Variants in DTD1 observed in about 807,000 individuals in gnomAD.
DTD1 encodes the protein D-aminoacyl-tRNA deacylase 1.
Under a neutral mutation model 25.6 loss-of-function variants are expected in DTD1, and 13 were observed. The observed-to-expected ratio is 0.51, with a 90% CI of 0.33 to 0.81. DTD1 has a LOEUF of 0.81. Among genes scored for constraint, DTD1 ranks in the 30% least tolerant of loss-of-function variants. The pLI, the probability that DTD1 is intolerant of heterozygous loss-of-function variation, is 0.02. For synonymous variants in DTD1, 110 were observed against 103.6 expected (o/e 1.06, Z -0.37); for missense variants, 193 against 266.4 (o/e 0.72, Z 1.92).
At chr20:18,669,486 G>A (rs1395540264) in intron 4 of DTD1, among the ~76,000 whole-genome samples, 2 of 152,104 alleles carry the variant, frequency 1.3e-5, no homozygotes, top group East Asian at 1.9e-4. Flanking sequence ...TTCTGTCATC[G>A]GATCAGGCTC....
chr20:18,686,046 C>T (rs2061015440), intron 4 of DTD1, among the ~76,000 whole-genome samples: 1 of 152,200 alleles, frequency 6.6e-6, no homozygotes. Flanking sequence ...ACTTTTGTCG[C>T]CCTGGTTCTG....
intron 4 of DTD1, among the ~76,000 whole-genome samples, chr20:18,648,952 CGCCACT>C (rs2060861279): frequency 7.6e-6 from 1 of 131,972 alleles, no homozygotes; most frequent in Non-Finnish European, 1.6e-5. Flanking sequence ...GCTGAGATCG[CGCCACT>C]GCACTCCAGC....
At chr20:18,590,593 C>T (rs886624961) in intron 1 of DTD1, among the ~76,000 whole-genome samples, 1 of 152,112 alleles carries the variant, frequency 6.6e-6, no homozygotes, top group Non-Finnish European at 1.5e-5. Flanking sequence ...GCCTCTGTGT[C>T]CTGAGTAGCT....
chr20:18,732,242 C>A (rs983905658), intron 4 of DTD1, among the ~76,000 whole-genome samples: 1 of 152,210 alleles, frequency 6.6e-6, no homozygotes, highest in African/African-American at 2.4e-5. Context: ...ACTTAAAGAA[C>A]ACTGTTAGTT....
chr20:18,624,103 C>T (rs958746804), intron 3 of DTD1, among the ~76,000 whole-genome samples: 1 of 152,054 alleles, frequency 6.6e-6, no homozygotes, highest in Non-Finnish European at 1.5e-5. Flanking sequence ...GCTGCTCCTG[C>T]TGTCTTTTGT....
intron 3 of DTD1, among the ~76,000 whole-genome samples, chr20:18,625,888 T>C (rs2029929230): frequency 6.6e-6 from 1 of 152,212 alleles, no homozygotes; most frequent in African/African-American, 2.4e-5. Context: ...CTAGTGCCCA[T>C]GTCCCATACT....
At chr20:18,601,852 T>TAA (rs2060636689) in intron 3 of DTD1, among the ~76,000 whole-genome samples, 1 of 151,600 alleles carries the variant, frequency 6.6e-6, no homozygotes, top group South Asian at 2.1e-4. Context: ...CTGGAAACTC[T>TAA]AAAACGCAGA....
intron 4 of DTD1, among the ~76,000 whole-genome samples, chr20:18,705,995 A>C (rs1273104267): frequency 6.6e-6 from 1 of 152,238 alleles, no homozygotes; most frequent in Non-Finnish European, 1.5e-5. Flanking sequence ...AAAGGGGATT[A>C]GCTTAGTGAG....
chr20:18,757,957 T>C (rs1447278235), intron 5 of DTD1, among the ~76,000 whole-genome samples: 2 of 152,228 alleles, frequency 1.3e-5, no homozygotes, highest in Non-Finnish European at 2.9e-5. Context: ...GAGCCTGTTA[T>C]TGGTCTATTC....
intron 3 of DTD1, among the ~76,000 whole-genome samples, chr20:18,623,169 G>A (rs575802848): frequency 2.6e-5 from 4 of 152,024 alleles, no homozygotes; most frequent in South Asian, 4.2e-4. Flanking sequence ...TCGATCTCCC[G>A]ACCTCGTGAT....
At chr20:18,696,224 T>A (rs756317298) in intron 4 of DTD1, among the ~76,000 whole-genome samples, 27 of 152,222 alleles carry the variant, frequency 1.8e-4, no homozygotes, top group South Asian at 8.3e-4. Flanking sequence ...TATGTCACCT[T>A]CCTGCCTGTG....
At position 18,676,575 on chromosome 20, in the gene DTD1, G is replaced by A. The variant is rs6136463; in HGVS notation, c.477+48342G>A. Among the ~76,000 whole-genome samples, 8 of 151,998 alleles carry A rather than the reference G, an allele frequency of 5.3e-5. No homozygotes were observed. The East Asian group carries it at 1.4e-3, about 26-fold the overall frequency. ...GTAGCCAATAAATTGGAAAATTGACGGTTGTATGTTTGAACCTTCATTTGT... is the reference window on the plus strand; with the variant it reads ...GTAGCCAATAAATTGGAAAATTGACAGTTGTATGTTTGAACCTTCATTTGT... On this transcript the variant is annotated intron_variant, in intron 4 of 5. Transcript: ENST00000377452.
chr20:18,650,686 G>A (rs899299209), intron 4 of DTD1, among the ~76,000 whole-genome samples: 3 of 152,204 alleles, frequency 2.0e-5, no homozygotes, highest in Non-Finnish European at 4.4e-5. Flanking sequence ...GACCAATTAT[G>A]GGAAAGCAAG....
rs1028103816 is a variant in DTD1 at position 18,608,479 on chromosome 20, T to C, written c.370+12238T>C. Among the ~76,000 whole-genome samples the C allele has an allele frequency of 2.6e-5, 4 of 152,230 alleles. No individual in the cohort carries two copies. In the South Asian group the frequency reaches 8.3e-4, roughly 32 times the overall value. On this transcript the variant is annotated intron_variant, in intron 3 of 5. Transcript: ENST00000377452. ...CTCTAATTTTTGTTATTGCTTTTCT[T>C]CTGCTTACTCTGCATTTAATTGCTC...
intron 5 of DTD1, among the ~76,000 whole-genome samples, chr20:18,762,955 A>T (rs1229331752): frequency 1.3e-5 from 2 of 152,146 alleles, no homozygotes; most frequent in African/African-American, 4.8e-5. Context: ...TTTGTAATAT[A>T]AGCATTTAAT....
At chr20:18,724,260 C>T (rs1454318760) in intron 4 of DTD1, among the ~76,000 whole-genome samples, 1 of 151,948 alleles carries the variant, frequency 6.6e-6, no homozygotes, top group African/African-American at 2.4e-5. Context: ...GTTCCATGAG[C>T]AAAGAAGAAG....
chr20:18,619,226 T>C (rs528039483), intron 3 of DTD1, among the ~76,000 whole-genome samples: 1 of 152,210 alleles, frequency 6.6e-6, no homozygotes, highest in Non-Finnish European at 1.5e-5. Flanking sequence ...GCAGCTATCT[T>C]TCTCTATTTT....
chr20:18,710,186 C>T (rs1262009045), intron 4 of DTD1, among the ~76,000 whole-genome samples: 1 of 152,040 alleles, frequency 6.6e-6, no homozygotes, highest in Non-Finnish European at 1.5e-5. Context: ...GTTATTCATC[C>T]TAAAACCAGA....
At chr20:18,664,928 C>T (rs966005832) in intron 4 of DTD1, among the ~76,000 whole-genome samples, 36 of 143,950 alleles carry the variant, frequency 2.5e-4, no homozygotes, top group Non-Finnish European at 4.1e-4. Flanking sequence ...CCTGGGTACA[C>T]GGGGTGGGTG....
Sources: allele counts gnomAD v4.1 joint callset (sites outside exome capture counted in the v4.1 genomes callset), GRCh38; gene constraint gnomAD v4.1.1; transcripts MANE v1.5; gene names NCBI Gene and HGNC (gene_info 2026-07-23, HGNC 2026-07-21).